Variants in MSMO1 observed in about 807,000 individuals in gnomAD.
The protein encoded by MSMO1 is methylsterol monooxygenase 1, also known as C-4 methylsterol oxidase.
A neutral mutation model predicts 30.4 loss-of-function variants in MSMO1; 18 were observed. That is an observed-to-expected ratio of 0.59 (90% CI 0.41 to 0.88). The LOEUF is 0.88. Ranked by LOEUF, MSMO1 falls within the 40% of genes least tolerant of loss-of-function variation. MSMO1 has a pLI of 0.00. For missense variants in MSMO1, 284 were observed against 340.5 expected, an observed-to-expected ratio of 0.83 and a Z score of 1.31; for synonymous variants, 84 against 107.9, an observed-to-expected ratio of 0.78 and a Z score of 1.37.
chr4:165,330,069 C>T lies in MSMO1; in HGVS notation c.-32+2305C>T, dbSNP rs76203134. Among the ~76,000 whole-genome samples the T allele has an allele frequency of 2.5e-3, 388 of 152,206 alleles. 1 individual carries two copies. Among genetic ancestry groups the T allele is most frequent in the Non-Finnish European group, 4.4e-3 (301 of 68,024 alleles). On this transcript the variant is annotated intron_variant, in intron 1 of 5. Coordinates refer to ENST00000261507, the MANE Select transcript of MSMO1 (RefSeq NM_006745.5). Reference sequence around the variant, plus strand: ...TACCTTTTCATAGAGCTTAGGTAAACTGTAGGAATTATTCTCCTTGTACTC... The same window carrying T: ...TACCTTTTCATAGAGCTTAGGTAAATTGTAGGAATTATTCTCCTTGTACTC...
intron 1 of MSMO1, among the ~76,000 whole-genome samples, chr4:165,331,971 A>G (rs1307108423): frequency 6.0e-5 from 9 of 150,640 alleles, no homozygotes; most frequent in African/African-American, 2.0e-4. Context: ...CCCCGTCGCC[A>G]CTCTGTCTTC....
chr4:165,334,930 C>T (rs1345200161), intron 2 of MSMO1, among the ~76,000 whole-genome samples: 1 of 152,070 alleles, frequency 6.6e-6, no homozygotes, highest in Non-Finnish European at 1.5e-5. Flanking sequence ...CAGAAATATT[C>T]AGGGGAAAAA....
chr4:165,338,403 A>T (rs1333303314), intron 3 of MSMO1, among the ~76,000 whole-genome samples: 6 of 151,796 alleles, frequency 4.0e-5, no homozygotes, highest in Non-Finnish European at 7.4e-5. Flanking sequence ...GAAAAGTGTC[A>T]TGAGGCAAGT....
chr4:165,330,820 C>T (rs528126496), intron 1 of MSMO1, among the ~76,000 whole-genome samples: 23 of 152,154 alleles, frequency 1.5e-4, no homozygotes, highest in Non-Finnish European at 3.4e-4. Context: ...GAACTCCTGA[C>T]CTTAGGTGAT....
rs1747427906 is a variant in MSMO1, at chr4:165,332,570, ACTGATGTATCCCCCCT to A, written c.-31-769_-31-754del. Among the ~76,000 whole-genome samples the A allele has an allele frequency of 8.5e-5, 13 of 152,326 alleles. 2 individuals carry two copies. The highest frequency in any genetic ancestry group is 3.9e-4 in the Admixed American group (6 of 15,304). On this transcript the variant is annotated intron_variant, in intron 1 of 5. Coordinates refer to ENST00000261507, the MANE Select transcript of MSMO1 (RefSeq NM_006745.5). ...TTGCTAATTTTTCCTCCAATGATAC[ACTGATGTATCCCCCCT>A]GCCCACAGTGTGTGGTCATGCCTGT...
At chr4:165,332,524 G>T (rs1225373730) in intron 1 of MSMO1, among the ~76,000 whole-genome samples, 1 of 152,206 alleles carries the variant, frequency 6.6e-6, no homozygotes, top group Non-Finnish European at 1.5e-5. Context: ...ATCAAAGGAT[G>T]TATTCATTTT....
At chr4:165,332,772 T>A (rs572388241) in intron 1 of MSMO1, among the ~76,000 whole-genome samples, 121 of 152,370 alleles carry the variant, frequency 7.9e-4, no homozygotes, top group African/African-American at 2.8e-3. Flanking sequence ...GTGAACTGCT[T>A]GTGAATGGCA....
At chr4:165,334,141 A>C (rs1211805417) in intron 2 of MSMO1, among the ~76,000 whole-genome samples, 2 of 152,246 alleles carry the variant, frequency 1.3e-5, no homozygotes, top group Non-Finnish European at 2.9e-5. Context: ...AATTCTAAAA[A>C]ATACTTAATG....
chr4:165,339,096 CTTTTTTTTTT>C (rs869192459), intron 4 of MSMO1, among the ~76,000 whole-genome samples: 19 of 60,522 alleles, frequency 3.1e-4, no homozygotes, highest in African/African-American at 9.4e-4. Context: ...ATGAGCACTG[CTTTTTTTTTT>C]TTTTTTTTTT....
intron 3 of MSMO1, among the ~76,000 whole-genome samples, chr4:165,338,297 T>C (rs1165611935): frequency 5.2e-5 from 2 of 38,728 alleles, no homozygotes; most frequent in East Asian, 1.4e-3. Flanking sequence ...TGAACAAAAA[T>C]ATGTATGTGT....
At chr4:165,338,299 T>C (rs1747613873) in intron 3 of MSMO1, among the ~76,000 whole-genome samples, 1 of 17,906 alleles carries the variant, frequency 5.6e-5, no homozygotes, top group Non-Finnish European at 1.1e-4. Context: ...AACAAAAATA[T>C]GTATGTGTAT....
At chr4:165,338,304 GTGTATATATA>G (rs1190410908) in intron 3 of MSMO1, among the ~76,000 whole-genome samples, 3,122 of 101,790 alleles carry the variant, frequency 0.031, 102 homozygotes, top group African/African-American at 0.077. Flanking sequence ...AAATATGTAT[GTGTATATATA>G]TATATATATA....
intron 1 of MSMO1, among the ~76,000 whole-genome samples, chr4:165,329,371 A>G (rs1747323920): frequency 6.6e-6 from 1 of 151,950 alleles, no homozygotes; most frequent in Non-Finnish European, 1.5e-5. Context: ...TATTGTTCTT[A>G]TCACATAATT....
At position 165,338,706 on chromosome 4, in the gene MSMO1, C is replaced by T; in HGVS notation, c.459C>T (p.His153=). ...FGCAVIEDTW[H]YFLHRLLHHK... ...GTGCAGTCATTGAAGATACTTGGCA[C>T]TATTTTCTGCATAGACTCTTACACC... The change falls in exon 4 of 6, where the codon CAC becomes CAT. Residue 153 remains histidine, a synonymous_variant. Coordinates refer to ENST00000261507, the MANE Select transcript of MSMO1 (RefSeq NM_006745.5). 1 of 1,604,284 alleles carries T rather than the reference C, an allele frequency of 6.2e-7. No individual in the cohort carries two copies. Among genetic ancestry groups the T allele is most frequent in the Non-Finnish European group, 8.5e-7 (1 of 1,171,298 alleles).
At chr4:165,333,781 A>G (rs532609655) in intron 2 of MSMO1, among the ~76,000 whole-genome samples, 156 bp downstream of exon 2, 19 of 152,352 alleles carry the variant, frequency 1.2e-4, no homozygotes, top group South Asian at 8.3e-4. Flanking sequence ...AATACATAGA[A>G]AAGGTAAAAA....
chr4:165,329,244 C>T (rs962008829), intron 1 of MSMO1, among the ~76,000 whole-genome samples: 5 of 152,188 alleles, frequency 3.3e-5, no homozygotes, highest in African/African-American at 1.2e-4. Flanking sequence ...AAAACCCCTC[C>T]CTTGACCCTC....
chr4:165,337,404 C>T lies in MSMO1; in HGVS notation c.256-385C>T, dbSNP rs79390165. Among the ~76,000 whole-genome samples, 4 of 152,316 alleles carry T rather than the reference C, an allele frequency of 2.6e-5. No individual in the cohort carries two copies. In the East Asian group the frequency reaches 7.7e-4, roughly 29 times the overall value. ...AAGCATCGACTTACTGTGTAAAAGG[C>T]TTCCAATGCTTCGTATACAACTTCT... On this transcript the variant is annotated intron_variant, in intron 2 of 5. Coordinates refer to ENST00000261507, the MANE Select transcript of MSMO1 (RefSeq NM_006745.5).
intron 2 of MSMO1, among the ~76,000 whole-genome samples, chr4:165,337,062 T>C (rs182533833): frequency 1.3e-5 from 2 of 152,328 alleles, no homozygotes; most frequent in East Asian, 3.9e-4. Flanking sequence ...AAGCAATAAC[T>C]GATATTTATT....
rs373561369 is a variant in MSMO1 at position 165,334,804 on chromosome 4, G to A, written c.255+1179G>A. On this transcript the variant is annotated intron_variant, in intron 2 of 5. Coordinates refer to ENST00000261507, the MANE Select transcript of MSMO1 (RefSeq NM_006745.5). ...TAAAACTCAGGGGCACACAGTCTTG[G>A]TAGAAAGTAGACCATTGAGAGTATT... 2.9e-4 allele frequency among the ~76,000 whole-genome samples: 44 copies of A among 152,294 alleles called. 1 individual carries two copies. The Middle Eastern group carries it at 0.01, about 35-fold the overall frequency.
Sources: allele counts gnomAD v4.1 joint callset (sites outside exome capture counted in the v4.1 genomes callset), GRCh38; gene constraint gnomAD v4.1.1; transcripts MANE v1.5; gene names NCBI Gene and HGNC (gene_info 2026-07-23, HGNC 2026-07-21).